SCAMP1: variants seen among roughly 807,000 people sequenced by gnomAD.
SCAMP1 encodes the protein secretory carrier membrane protein 1.
SCAMP1 carries 15 observed loss-of-function variants against 41.8 expected under a neutral mutation model. That is an observed-to-expected ratio of 0.36 (90% CI 0.24 to 0.55). The LOEUF is 0.55. SCAMP1 is among the 20% of genes least tolerant of loss of function. The pLI is 0.86. For synonymous variants in SCAMP1, 135 were observed against 136.8 expected, an observed-to-expected ratio of 0.99 and a Z score of 0.09; for missense variants, 341 against 412.6, an observed-to-expected ratio of 0.83 and a Z score of 1.50.
intron 8 of SCAMP1, among the ~76,000 whole-genome samples, chr5:78,473,246 CT>C (rs1753928319): frequency 6.6e-6 from 1 of 152,142 alleles, no homozygotes; most frequent in South Asian, 2.1e-4. Context: ...GCTTTTACCA[CT>C]GTATCAGAAG....
At chr5:78,468,968 T>C (rs1397437473) in intron 8 of SCAMP1, among the ~76,000 whole-genome samples, 1 of 152,168 alleles carries the variant, frequency 6.6e-6, no homozygotes. Flanking sequence ...CTATGCATAC[T>C]CAAGTCTTGG....
At chr5:78,397,966 G>A (rs1470241068) in intron 2 of SCAMP1, among the ~76,000 whole-genome samples, 3 of 152,232 alleles carry the variant, frequency 2.0e-5, no homozygotes, top group African/African-American at 7.2e-5. Context: ...TGGCAAGGAT[G>A]TGGAGAATTG....
At chr5:78,468,080 A>T (rs1367326579) in intron 8 of SCAMP1, among the ~76,000 whole-genome samples, 1 of 152,104 alleles carries the variant, frequency 6.6e-6, no homozygotes, top group Non-Finnish European at 1.5e-5. Context: ...TCCTAATTGA[A>T]GTGAATAGGA....
intron 8 of SCAMP1, among the ~76,000 whole-genome samples, chr5:78,460,334 G>C (rs1291430262): frequency 1.3e-5 from 2 of 152,156 alleles, no homozygotes. Context: ...TCTCCATACT[G>C]TTTTCCACAG....
At chr5:78,467,248 C>T (rs1753770598) in intron 8 of SCAMP1, among the ~76,000 whole-genome samples, 1 of 152,060 alleles carries the variant, frequency 6.6e-6, no homozygotes, top group South Asian at 2.1e-4. Flanking sequence ...ATACTCACAA[C>T]AATTAAGACT....
At chr5:78,461,221 A>G (rs905858144) in intron 8 of SCAMP1, among the ~76,000 whole-genome samples, 5 of 152,148 alleles carry the variant, frequency 3.3e-5, no homozygotes, top group Non-Finnish European at 7.4e-5. Context: ...TCCATTTGCT[A>G]TTGAGGTCTT....
rs1753846370 is a variant in SCAMP1 at position 78,469,970 on chromosome 5, G to T, written c.853-5534G>T. Among the ~76,000 whole-genome samples, 4 of 133,320 alleles carry T rather than the reference G, an allele frequency of 3.0e-5. No homozygotes were observed. The South Asian group carries it at 1.0e-3, about 34-fold the overall frequency. 87.5% of individuals were successfully genotyped at this position (133,320 alleles called of 152,430 possible). On this transcript the variant is annotated intron_variant, in intron 8 of 8. Coordinates refer to ENST00000621999, the MANE Select transcript of SCAMP1 (RefSeq NM_004866.6). ...CCAGGCATGGTGGTGTGAGTTTATT[G>T]TCCTAGCTGTTGGAGAGACTGAGGT...
chr5:78,472,562 G>A (rs975849222), intron 8 of SCAMP1, among the ~76,000 whole-genome samples: 5 of 151,964 alleles, frequency 3.3e-5, no homozygotes, highest in Admixed American at 6.6e-5. Context: ...CATCTTTCAT[G>A]GGGCCCTGAA....
chr5:78,416,687 A>C, intron 4 of SCAMP1, 38 bp downstream of exon 4: 1 of 1,455,962 alleles, frequency 6.9e-7, no homozygotes, highest in East Asian at 2.5e-5. Flanking sequence ...AATAACTTTT[A>C]AATACTTTAC....
chr5:78,462,933 A>G (rs1051046650), intron 8 of SCAMP1, among the ~76,000 whole-genome samples: 1 of 152,230 alleles, frequency 6.6e-6, no homozygotes, highest in Admixed American at 6.5e-5. Flanking sequence ...CTTTAAAGAA[A>G]ATAAGTCCTT....
chr5:78,445,387 C>T (rs1753028883), intron 6 of SCAMP1, among the ~76,000 whole-genome samples: 1 of 152,194 alleles, frequency 6.6e-6, no homozygotes, highest in East Asian at 1.9e-4. Flanking sequence ...AAATACATTA[C>T]TTAGGTGGAT....
chr5:78,412,259 G>A (rs1053290512), intron 2 of SCAMP1, among the ~76,000 whole-genome samples: 7 of 151,750 alleles, frequency 4.6e-5, no homozygotes, highest in Non-Finnish European at 7.4e-5. Flanking sequence ...TTTTCATTAT[G>A]ATTTCTTTCC....
intron 7 of SCAMP1, among the ~76,000 whole-genome samples, chr5:78,459,027 CG>C (rs1753512142): frequency 2.6e-5 from 4 of 152,240 alleles, no homozygotes; most frequent in African/African-American, 7.2e-5. Flanking sequence ...TGTGTGACCT[CG>C]GGCAGATTAC....
At chr5:78,439,850 A>G (rs918651572) in intron 6 of SCAMP1, among the ~76,000 whole-genome samples, 1 of 152,172 alleles carries the variant, frequency 6.6e-6, no homozygotes, top group Non-Finnish European at 1.5e-5. Flanking sequence ...TTTCAGGTAC[A>G]CCAATGAGAC....
chr5:78,465,683 A>C (rs1753727219), intron 8 of SCAMP1, among the ~76,000 whole-genome samples: 1 of 152,190 alleles, frequency 6.6e-6, no homozygotes, highest in African/African-American at 2.4e-5. Context: ...TTTAGTGTCT[A>C]CTTTTGTTTA....
At chr5:78,450,071 T>A in intron 7 of SCAMP1, 37 bp downstream of exon 7, 2 of 1,112,128 alleles carry the variant, frequency 1.8e-6, no homozygotes, top group South Asian at 1.4e-5. Context: ...AGCTTTAATC[T>A]AATATTGTAA....
chr5:78,424,935 G>A (rs1752429725), intron 6 of SCAMP1, among the ~76,000 whole-genome samples: 1 of 152,214 alleles, frequency 6.6e-6, no homozygotes, highest in Admixed American at 6.5e-5. Flanking sequence ...TTAAAAAGCT[G>A]TGCGGTTCTG....
intron 2 of SCAMP1, among the ~76,000 whole-genome samples, chr5:78,392,024 A>G (rs1369098143): frequency 8.1e-4 from 1 of 1,240 alleles, no homozygotes; most frequent in African/African-American, 4.3e-3. Context: ...AGAGGGAGAG[A>G]GAGGGAGAGG....
At chr5:78,467,728 A>G (rs946191260) in intron 8 of SCAMP1, among the ~76,000 whole-genome samples, 5 of 152,186 alleles carry the variant, frequency 3.3e-5, no homozygotes, top group Non-Finnish European at 7.4e-5. Context: ...GTATGATTTT[A>G]TGAAGTACGA....
Sources: gnomAD v4.1 joint callset for allele counts (sites outside exome capture counted in the v4.1 genomes callset) on GRCh38, gnomAD v4.1.1 for gene constraint, MANE v1.5 for transcripts, NCBI Gene and HGNC (gene_info 2026-07-23, HGNC 2026-07-21) for gene names.